The following ARSG variants were observed in gnomAD, a reference collection of about 807,000 sequenced individuals.
ARSG encodes the protein arylsulfatase G, also known as ASG.
ARSG carries 37 observed loss-of-function variants against 50.5 expected under a neutral mutation model. That is an observed-to-expected ratio of 0.73 (90% CI 0.56 to 0.96). The LOEUF is 0.96. Ranked by LOEUF, ARSG falls within the 50% of genes least tolerant of loss-of-function variation. ARSG has a pLI of 0.00. For synonymous variants in ARSG, 225 were observed against 254.6 expected, an observed-to-expected ratio of 0.88 and a Z score of 1.11; for missense variants, 629 against 675.3, an observed-to-expected ratio of 0.93 and a Z score of 0.76.
chr17:68,447,071 T>G, the ARSG span, among the ~76,000 whole-genome samples: 1 of 152,216 alleles, frequency 6.6e-6, no homozygotes, highest in Non-Finnish European at 1.5e-5. Flanking sequence ...GTCTGTTGCT[T>G]TGAATTTCAT....
intron 6 of ARSG, among the ~76,000 whole-genome samples, chr17:68,357,598 C>A (rs758287506): frequency 6.6e-6 from 1 of 152,194 alleles, no homozygotes; most frequent in African/African-American, 2.4e-5. Flanking sequence ...AGGAATTAGA[C>A]CCTGCTTATC....
chr17:68,295,772 C>T (rs868969367), intron 1 of ARSG, among the ~76,000 whole-genome samples: 13 of 150,424 alleles, frequency 8.6e-5, no homozygotes, highest in Non-Finnish European at 1.3e-4. Flanking sequence ...CTCTGCCTCC[C>T]GGGTTCAAGC....
At position 68,370,541 on chromosome 17, in the gene ARSG, G is replaced by A. The variant is rs2079785314; in HGVS notation, c.982+17G>A. The A allele has an allele frequency of 3.1e-6, 5 of 1,612,136 alleles. No individual in the cohort carries two copies. The highest frequency in any genetic ancestry group is 4.2e-6 in the Non-Finnish European group (5 of 1,178,588). The stretch of plus-strand genomic sequence containing the variant: ...CTCGTCAAGGTAAGGGGCTCAGCTG[G>A]GGTTGGTGGATCCCATTGCAATGCT... On this transcript the variant is annotated intron_variant, in intron 8 of 11. Transcript: ENST00000621439.
chr17:68,383,992 G>A (rs2080572730), intron 8 of ARSG, among the ~76,000 whole-genome samples: 1 of 152,210 alleles, frequency 6.6e-6, no homozygotes, highest in South Asian at 2.1e-4. Context: ...CGTGTGGTGT[G>A]CTGGGCCAGG....
intron 6 of ARSG, among the ~76,000 whole-genome samples, chr17:68,366,677 ATGTGTG>A (rs3072873): frequency 4.0e-5 from 6 of 148,258 alleles, no homozygotes; most frequent in South Asian, 2.1e-4. Context: ...GAATTTATGT[ATGTGTG>A]TGTGTGTGTG....
intron 8 of ARSG, among the ~76,000 whole-genome samples, chr17:68,380,584 A>G (rs2080385572): frequency 6.6e-6 from 1 of 152,036 alleles, no homozygotes; most frequent in African/African-American, 2.4e-5. Flanking sequence ...TTTCTTACTA[A>G]CATTTTCTTT....
At chr17:68,430,010 G>A in the ARSG span, 1 of 1,614,210 alleles carries the variant, frequency 6.2e-7, no homozygotes, top group Non-Finnish European at 8.5e-7. Flanking sequence ...AGAGGGTACA[G>A]ATGTTCCTCT....
intron 2 of ARSG, among the ~76,000 whole-genome samples, chr17:68,335,287 C>T (rs975265378): frequency 3.5e-4 from 54 of 152,254 alleles, no homozygotes; most frequent in African/African-American, 1.2e-3. Context: ...GGCCAGGTGG[C>T]TCATGCCTGT....
At chr17:68,414,383 T>C (rs1360508630) in intron 11 of ARSG, among the ~76,000 whole-genome samples, 2 of 152,250 alleles carry the variant, frequency 1.3e-5, no homozygotes, top group Admixed American at 1.3e-4. Context: ...TGAAACCCCC[T>C]TGATTATGGT....
Position 68,368,436 on chromosome 17 carries a change from G to A in ARSG, c.705-112G>A, listed in dbSNP as rs58735161. 354,538 of 939,718 alleles carry A rather than the reference G, an allele frequency of 0.38. 70,188 individuals carry two copies. The highest frequency in any genetic ancestry group is 0.41 in the Non-Finnish European group (249,590 of 609,982). 58.2% of individuals were successfully genotyped at this position (939,718 alleles called of 1,614,324 possible). Reference sequence around the variant, plus strand: ...GGATAAATGTGTCCTTCTTGAGCCCGTGGGGCAGAAGGAGCTTTGGGGATT... The same window carrying A: ...GGATAAATGTGTCCTTCTTGAGCCCATGGGGCAGAAGGAGCTTTGGGGATT... On this transcript the variant is annotated intron_variant, in intron 6 of 11. Coordinates refer to ENST00000621439, the MANE Select transcript of ARSG (RefSeq NM_001267727.2).
At chr17:68,369,414 C>A (rs1295394218) in intron 7 of ARSG, among the ~76,000 whole-genome samples, 2 of 152,176 alleles carry the variant, frequency 1.3e-5, no homozygotes, top group Admixed American at 6.5e-5. Context: ...TTGGCACACG[C>A]CTGTAGTCCC....
At chr17:68,362,593 A>C (rs569236864) in intron 6 of ARSG, among the ~76,000 whole-genome samples, 1 of 151,988 alleles carries the variant, frequency 6.6e-6, no homozygotes, top group Non-Finnish European at 1.5e-5. Flanking sequence ...AGTATTCCGT[A>C]TCTGGAATGC....
At chr17:68,429,774 A>G in the ARSG span, among the ~76,000 whole-genome samples, 2 of 152,146 alleles carry the variant, frequency 1.3e-5, no homozygotes, top group Non-Finnish European at 2.9e-5. Flanking sequence ...TTTTTAGTAG[A>G]GACGGGATTT....
At chr17:68,436,087 C>T in the ARSG span, among the ~76,000 whole-genome samples, 2 of 152,268 alleles carry the variant, frequency 1.3e-5, no homozygotes, top group Non-Finnish European at 2.9e-5. Context: ...TGCACACTGT[C>T]TCAGGCTGTG....
chr17:68,412,776 G>T lies in ARSG; in HGVS notation c.1304-7413G>T, dbSNP rs1167377423. ...GGTACACCAATCAGACGTAGATTTG[G>T]TTTTTTCACATAGTCCCATATTTCT... On this transcript the variant is annotated intron_variant, in intron 11 of 11. Coordinates refer to ENST00000621439, the MANE Select transcript of ARSG (RefSeq NM_001267727.2). Among the ~76,000 whole-genome samples, 11 of 152,166 alleles carry T rather than the reference G, an allele frequency of 7.2e-5. No individual in the cohort carries two copies. The South Asian group carries it at 1.9e-3, about 26-fold the overall frequency.
chr17:68,268,913 G>T, intron 1 of ARSG: 1 of 1,349,856 alleles, frequency 7.4e-7, no homozygotes, highest in Admixed American at 2.7e-5. Context: ...AAAAAAAAAA[G>T]CTTAAAACAA....
intron 2 of ARSG, among the ~76,000 whole-genome samples, chr17:68,329,512 C>T (rs576681341): frequency 1.3e-5 from 2 of 152,322 alleles, no homozygotes; most frequent in African/African-American, 4.8e-5. Flanking sequence ...TCTGGTGCCT[C>T]GAGTTGCCCC....
intron 3 of ARSG, among the ~76,000 whole-genome samples, chr17:68,346,193 C>A (rs1408762426): frequency 6.6e-6 from 1 of 152,108 alleles, no homozygotes; most frequent in Non-Finnish European, 1.5e-5. Flanking sequence ...GAGCCCATTT[C>A]TCTCAATTTT....
chr17:68,328,876 A>T (rs2077611428), intron 2 of ARSG, among the ~76,000 whole-genome samples: 1 of 152,200 alleles, frequency 6.6e-6, no homozygotes, highest in African/African-American at 2.4e-5. Flanking sequence ...GGTAGAGTGC[A>T]GGACCTGAGC....
Sources: gnomAD v4.1 joint callset for allele counts (sites outside exome capture counted in the v4.1 genomes callset) on GRCh38, gnomAD v4.1.1 for gene constraint, MANE v1.5 for transcripts, NCBI Gene and HGNC (gene_info 2026-07-23, HGNC 2026-07-21) for gene names.